Variants in KLK8 observed in about 807,000 individuals in gnomAD.
KLK8 encodes the protein kallikrein related peptidase 8, also known as kallikrein-8.
Under a neutral mutation model 26.7 loss-of-function variants are expected in KLK8, and 18 were observed. The ratio of observed to expected loss-of-function variants is 0.67; its 90% CI spans 0.47 to 1.00. The LOEUF (loss-of-function observed/expected upper bound fraction) is 1.00, where lower values mean the gene tolerates loss of function less well. Among genes scored for constraint, KLK8 ranks in the 50% least tolerant of loss-of-function variants. The probability of loss-of-function intolerance (pLI) is 0.00; values close to 1 mark genes in which losing one functional copy is unlikely to be tolerated. For synonymous variants in KLK8, 137 were observed against 127.1 expected, an observed-to-expected ratio of 1.08 and a Z score of -0.52; for missense variants, 301 against 331.7, an observed-to-expected ratio of 0.91 and a Z score of 0.72.
chr19:51,000,858 C>T lies in KLK8; in HGVS notation c.70+240G>A. On this transcript the variant is annotated intron_variant, in intron 3 of 6. Transcript: ENST00000600767. ...AATCTATGCCCCCAAGCAAGCAGCC[C>T]CCAAAGGCTGTAGCTATTCAGACAA... is the stretch of plus-strand genomic sequence containing the variant. 8 of 912,470 alleles carry T rather than the reference C, an allele frequency of 8.8e-6. No homozygotes were observed. In the South Asian group the frequency reaches 1.4e-4, roughly 16 times the overall value. The allele number at this position is 912,470 out of a possible 1,614,324, so 56.5% of individuals were successfully genotyped here.
rs376653364 is a variant in KLK8 at position 50,996,228 on chromosome 19, A to G, written c.628-14T>C. ...TCCAGAATCGCCCTAGACAGGGAGA[A>G]TGAGAACAGCCTTGCATCTGAGATG... On this transcript the variant is annotated splice_polypyrimidine_tract_variant and intron_variant, in intron 6 of 6. Coordinates refer to ENST00000600767, the Ensembl canonical transcript of KLK8. The G allele has an allele frequency of 3.6e-5, 58 of 1,613,020 alleles. 1 individual carries two copies. The South Asian group carries it at 4.6e-4, about 13-fold the overall frequency.
intron 2 of KLK8, 93 bp downstream of exon 1, chr19:51,001,439 C>A: frequency 4.3e-6 from 2 of 462,742 alleles, no homozygotes; most frequent in Non-Finnish European, 7.8e-6. Context: ...TGCTGGATCT[C>A]GACAGAGAAG....
At chr19:50,997,953 A>AC in intron 5 of KLK8, 69 bp from the exon 5 acceptor site, 1 of 1,586,256 alleles carries the variant, frequency 6.3e-7, no homozygotes, top group Non-Finnish European at 8.6e-7. Context: ...TCTGGATCTA[A>AC]CCCCCTTTCT....
intron 6 of KLK8, 109 bp from the exon 6 acceptor site, chr19:50,996,323 C>A: frequency 8.4e-7 from 1 of 1,184,568 alleles, no homozygotes; most frequent in South Asian, 1.4e-5. Flanking sequence ...CCCCTGTAGC[C>A]AATGGGGGTA....
intron 5 of KLK8, 120 bp from the exon 5 acceptor site, chr19:50,998,004 A>T (rs2091186605): frequency 7.9e-7 from 1 of 1,260,110 alleles, no homozygotes; most frequent in African/African-American, 1.5e-5. Context: ...TGCATGGGGG[A>T]ATTTTCTGAC....
At chr19:50,999,604 A>AAAAAG (rs2091201565) in intron 5 of KLK8, among the ~76,000 whole-genome samples, 2 of 120,686 alleles carry the variant, frequency 1.7e-5, no homozygotes, top group Non-Finnish European at 3.4e-5. Context: ...AAAAAAAAAA[A>AAAAAG]AAAAAAAAAA....
rs774585942 is a variant in KLK8 at position 51,001,193 on chromosome 19, C to T, written c.-8-18G>A. The T allele has an allele frequency of 8.7e-6, 14 of 1,605,228 alleles. No individual in the cohort carries two copies. The highest frequency in any genetic ancestry group is 2.7e-5 in the African/African-American group (2 of 74,846). Reference sequence around the variant, plus strand: ...GGTGAGGTCTGGGAAATGGAGAGGGCGGGGCCGGTAAACAGGAAGGAGGAG... The same window carrying T: ...GGTGAGGTCTGGGAAATGGAGAGGGTGGGGCCGGTAAACAGGAAGGAGGAG... On this transcript the variant is annotated intron_variant, in intron 2 of 6. Transcript: ENST00000600767.
rs2091182599 is a variant in KLK8, at chr19:50,997,646, A to T, written c.627+105T>A. On this transcript the variant is annotated intron_variant, in intron 6 of 6. Transcript: ENST00000600767. ...GATAGGGGTGAACACTCCGGGTGCC[A>T]AGTCTTTGGGGTCACTCCCTTACCA... 4 of 1,354,274 alleles carry T rather than the reference A, an allele frequency of 3.0e-6. No homozygotes were observed. In the East Asian group the frequency reaches 9.2e-5, roughly 31 times the overall value. 83.9% of individuals were successfully genotyped at this position (1,354,274 alleles called of 1,614,324 possible). A position where few individuals can be genotyped will look rare whatever the true frequency, so the allele number is the denominator to read the frequency against.
intron 6 of KLK8, among the ~76,000 whole-genome samples, chr19:50,996,933 CACA>C (rs1331602680): frequency 0.055 from 7,193 of 129,944 alleles, 250 homozygotes; most frequent in African/African-American, 0.12. Flanking sequence ...CACACACACA[CACA>C]CACCATATCC....
intron 4 of KLK8, 52 bp from the exon 4 acceptor site, chr19:51,000,310 CCCT>C (rs2091210439): frequency 6.5e-7 from 1 of 1,544,822 alleles, no homozygotes; most frequent in African/African-American, 1.4e-5. Context: ...GCCCCCAGCC[CCCT>C]CCTCCTTCAG....
At chr19:50,996,891 T>TGGAC (rs1235886326) in intron 6 of KLK8, among the ~76,000 whole-genome samples, 1 of 124,374 alleles carries the variant, frequency 8.0e-6, no homozygotes, top group Non-Finnish European at 1.7e-5. Flanking sequence ...AAGATTCTTA[T>TGGAC]GGACACACAC....
rs937917771 is a variant in KLK8 at position 50,996,292 on chromosome 19, C to A, written c.628-78G>T. 30 of 1,522,338 alleles carry A rather than the reference C, an allele frequency of 2.0e-5. No homozygotes were observed. In the South Asian group the frequency reaches 3.5e-4, roughly 18 times the overall value. 94.3% of individuals were successfully genotyped at this position (1,522,338 alleles called of 1,614,324 possible). A position where few individuals can be genotyped will look rare whatever the true frequency, so the allele number is the denominator to read the frequency against. ...TTTTCCTGCTGTCCCAGCGTTTTAC[C>A]AGTTCTTTGGCATGATTGGTCCCCT... On this transcript the variant is annotated intron_variant, in intron 6 of 6. Transcript: ENST00000600767.
intron 6 of KLK8, among the ~76,000 whole-genome samples, 180 bp from the exon 6 acceptor site, chr19:50,996,394 A>G (rs1214003721): frequency 1.3e-5 from 2 of 152,154 alleles, no homozygotes; most frequent in African/African-American, 4.8e-5. Flanking sequence ...ACAGACAGAC[A>G]TGGTGTCTAA....
At chr19:50,997,021 G>C (rs902342036) in intron 6 of KLK8, among the ~76,000 whole-genome samples, 1 of 151,896 alleles carries the variant, frequency 6.6e-6, no homozygotes, top group Admixed American at 6.6e-5. Flanking sequence ...TGGCTTTCAT[G>C]GCAGTATCGC....
chr19:50,997,119 G>T (rs532842284), intron 6 of KLK8, among the ~76,000 whole-genome samples: 1 of 152,290 alleles, frequency 6.6e-6, no homozygotes, highest in South Asian at 2.1e-4. Flanking sequence ...GGGCTTCCAG[G>T]AAGTGGACAA....
Position 50,997,669 on chromosome 19 carries a change from C to T in KLK8, c.627+82G>A. 3.3e-6 allele frequency: 5 copies of T among 1,513,778 alleles called. No homozygotes were observed. The Admixed American group carries it at 5.3e-5, about 16-fold the overall frequency. 93.8% of individuals were successfully genotyped at this position (1,513,778 alleles called of 1,614,324 possible). On this transcript the variant is annotated intron_variant, in intron 6 of 6. Coordinates refer to ENST00000600767, the Ensembl canonical transcript of KLK8. ...CCAAGTCTTTGGGGTCACTCCCTTACCACCCCCACCCCCATCCAAGCCTTG... is the reference window on the plus strand; with the variant it reads ...CCAAGTCTTTGGGGTCACTCCCTTATCACCCCCACCCCCATCCAAGCCTTG...
intron 3 of KLK8, 145 bp downstream of exon 2, chr19:51,000,953 G>A (rs1187703063): frequency 7.1e-6 from 6 of 840,662 alleles, no homozygotes; most frequent in South Asian, 1.7e-5. Context: ...CCTGAGGAAA[G>A]CCCACAGAGG....
At chr19:50,997,181 A>G (rs1600121517) in intron 6 of KLK8, among the ~76,000 whole-genome samples, 1 of 152,280 alleles carries the variant, frequency 6.6e-6, no homozygotes, top group South Asian at 2.1e-4. Context: ...AGAGAGAGTT[A>G]TATCTATGAC....
Position 50,999,979 on chromosome 19 carries a change from G to C in KLK8, c.493+17C>G, listed in dbSNP as rs377168450. Reference sequence around the variant, plus strand: ...CCAGCTCCTCCTCTCCCTCCCATTAGTGGACAAGCCCACTACCTCGGGGAC... The same window carrying C: ...CCAGCTCCTCCTCTCCCTCCCATTACTGGACAAGCCCACTACCTCGGGGAC... On this transcript the variant is annotated intron_variant, in intron 5 of 6. Coordinates refer to ENST00000600767, the Ensembl canonical transcript of KLK8. 23 of 1,574,294 alleles carry C rather than the reference G, an allele frequency of 1.5e-5. No homozygotes were observed. Among genetic ancestry groups the C allele is most frequent in the Middle Eastern group, 1.9e-4 (1 of 5,404 alleles).
Sources: allele counts gnomAD v4.1 joint callset (sites outside exome capture counted in the v4.1 genomes callset), GRCh38; gene constraint gnomAD v4.1.1; transcripts MANE v1.5; gene names NCBI Gene and HGNC (gene_info 2026-07-23, HGNC 2026-07-21).